Variants in GREM2 observed in about 807,000 individuals in gnomAD.
GREM2 encodes the protein gremlin 2, DAN family BMP antagonist.
Under a neutral mutation model 14.2 loss-of-function variants are expected in GREM2, and 11 were observed. The ratio of observed to expected loss-of-function variants is 0.78; its 90% CI spans 0.49 to 1.28. The LOEUF is 1.28. Ranked by LOEUF, GREM2 falls within the 50% of genes most tolerant of loss-of-function variation. The pLI, the probability that GREM2 is intolerant of heterozygous loss-of-function variation, is 0.00. For synonymous variants in GREM2, 98 were observed against 97.6 expected, an observed-to-expected ratio of 1.00 and a Z score of -0.02; for missense variants, 210 against 218.5, an observed-to-expected ratio of 0.96 and a Z score of 0.24.
At chr1:240,555,150 AAAAG>A (rs139334582) in intron 1 of GREM2, among the ~76,000 whole-genome samples, 69,296 of 150,564 alleles carry the variant, frequency 0.46, 16,005 homozygotes, top group East Asian at 0.58. Flanking sequence ...CATCTCAAAA[AAAAG>A]AAAGAAAGAA....
intron 1 of GREM2, among the ~76,000 whole-genome samples, chr1:240,493,821 C>T (rs956803186): frequency 6.6e-6 from 1 of 152,184 alleles, no homozygotes; most frequent in African/African-American, 2.4e-5. Context: ...TGAGCCACCA[C>T]GTCTTTTTAA....
intron 1 of GREM2, among the ~76,000 whole-genome samples, chr1:240,526,043 T>A (rs1678214795): frequency 6.6e-6 from 1 of 152,214 alleles, no homozygotes; most frequent in Non-Finnish European, 1.5e-5. Flanking sequence ...AACGTACTCC[T>A]GCTTTAAGGA....
intron 1 of GREM2, among the ~76,000 whole-genome samples, chr1:240,517,317 C>T (rs1047940567): frequency 1.3e-5 from 2 of 152,210 alleles, no homozygotes; most frequent in African/African-American, 4.8e-5. Context: ...AAGAAAACCA[C>T]TAAATTACAT....
At chr1:240,595,989 C>A (rs1679813008) in intron 1 of GREM2, among the ~76,000 whole-genome samples, 1 of 152,114 alleles carries the variant, frequency 6.6e-6, no homozygotes, top group Non-Finnish European at 1.5e-5. Context: ...GGCTTAAATG[C>A]ACTGGAAGAT....
intron 1 of GREM2, among the ~76,000 whole-genome samples, chr1:240,580,855 G>A (rs1679469732): frequency 6.6e-6 from 1 of 152,214 alleles, no homozygotes; most frequent in African/African-American, 2.4e-5. Flanking sequence ...TTACAGGCAT[G>A]CATCACCATG....
intron 1 of GREM2, among the ~76,000 whole-genome samples, chr1:240,506,636 A>G (rs147424541): frequency 6.6e-6 from 1 of 152,320 alleles, no homozygotes; most frequent in African/African-American, 2.4e-5. Flanking sequence ...ACCAATACCA[A>G]AAGCATTCTC....
intron 1 of GREM2, among the ~76,000 whole-genome samples, chr1:240,564,887 G>A (rs1679145969): frequency 6.6e-6 from 1 of 152,180 alleles, no homozygotes; most frequent in African/African-American, 2.4e-5. Context: ...TTTTCTTTGG[G>A]TTGAGTATGA....
At chr1:240,606,120 A>G (rs1390942494) in intron 1 of GREM2, among the ~76,000 whole-genome samples, 1 of 152,178 alleles carries the variant, frequency 6.6e-6, no homozygotes, top group Non-Finnish European at 1.5e-5. Flanking sequence ...CTTTCAGCAG[A>G]TAAGCAGCAG....
intron 1 of GREM2, among the ~76,000 whole-genome samples, chr1:240,575,449 C>T (rs1679349201): frequency 3.3e-5 from 5 of 152,040 alleles, no homozygotes; most frequent in Admixed American, 3.3e-4. Context: ...TAATGTGTTG[C>T]TGCATTTATA....
chr1:240,507,685 A>G (rs2103285664), intron 1 of GREM2, among the ~76,000 whole-genome samples: 1 of 152,110 alleles, frequency 6.6e-6, no homozygotes, highest in South Asian at 2.1e-4. Context: ...AGACAAGGAA[A>G]AGCAGGAATA....
chr1:240,534,212 C>CA (rs1358343689), intron 1 of GREM2, among the ~76,000 whole-genome samples: 1 of 151,414 alleles, frequency 6.6e-6, no homozygotes, highest in South Asian at 2.1e-4. Flanking sequence ...ACAGCATGAG[C>CA]AAAAAAATAG....
At chr1:240,602,835 AG>A (rs1679952835) in intron 1 of GREM2, among the ~76,000 whole-genome samples, 1 of 151,766 alleles carries the variant, frequency 6.6e-6, no homozygotes, top group Non-Finnish European at 1.5e-5. Context: ...GCACTTTGGG[AG>A]GCCGAGGCAG....
chr1:240,598,239 G>A (rs1679857868), intron 1 of GREM2, among the ~76,000 whole-genome samples: 2 of 152,190 alleles, frequency 1.3e-5, no homozygotes, highest in Non-Finnish European at 2.9e-5. Context: ...TCGTTAAAGG[G>A]ACTTTTGGTA....
At chr1:240,554,845 T>C (rs1013121477) in intron 1 of GREM2, among the ~76,000 whole-genome samples, 10 of 152,160 alleles carry the variant, frequency 6.6e-5, no homozygotes, top group Admixed American at 2.0e-4. Context: ...AAGATTCTAT[T>C]GTAATTTAAG....
intron 1 of GREM2, among the ~76,000 whole-genome samples, chr1:240,544,095 A>G (rs1214579629): frequency 1.3e-5 from 2 of 152,160 alleles, no homozygotes; most frequent in Non-Finnish European, 2.9e-5. Flanking sequence ...TAAGTAATCT[A>G]GAGATGGTTT....
intron 1 of GREM2, among the ~76,000 whole-genome samples, chr1:240,598,635 T>A (rs1300878868): frequency 2.6e-5 from 4 of 152,052 alleles, no homozygotes; most frequent in Admixed American, 2.0e-4. Context: ...GTATTAGGAG[T>A]TAGTTTTTTT....
chr1:240,595,797 G>A (rs147082350), intron 1 of GREM2, among the ~76,000 whole-genome samples: 2 of 152,242 alleles, frequency 1.3e-5, no homozygotes, highest in African/African-American at 2.4e-5. Context: ...AGAATTAAAT[G>A]AGACTGTGTT....
At chr1:240,564,655 G>GCATT (rs1345032314) in intron 1 of GREM2, among the ~76,000 whole-genome samples, 1 of 152,110 alleles carries the variant, frequency 6.6e-6, no homozygotes, top group Admixed American at 6.6e-5. Flanking sequence ...AGCTAATGAA[G>GCATT]CATTACCTCA....
intron 1 of GREM2, among the ~76,000 whole-genome samples, chr1:240,590,343 G>T (rs751374667): frequency 6.6e-6 from 1 of 151,914 alleles, no homozygotes; most frequent in Non-Finnish European, 1.5e-5. Flanking sequence ...ACTAAGTTCT[G>T]AGCACAAGTG....
Sources: allele counts gnomAD v4.1 joint callset (sites outside exome capture counted in the v4.1 genomes callset), GRCh38; gene constraint gnomAD v4.1.1; transcripts MANE v1.5; gene names NCBI Gene and HGNC (gene_info 2026-07-23, HGNC 2026-07-21).